The following PYGB variants were observed in gnomAD, a reference collection of about 807,000 sequenced individuals.
The protein encoded by PYGB is glycogen phosphorylase B.
Under a neutral mutation model 94.3 loss-of-function variants are expected in PYGB, and 82 were observed. That is an observed-to-expected ratio of 0.87 (90% CI 0.73 to 1.04). PYGB has a LOEUF of 1.04. Ranked by LOEUF, PYGB falls within the 50% of genes least tolerant of loss-of-function variation. PYGB has a pLI of 0.00. For missense variants in PYGB, 1,132 were observed against 1,158.2 expected, an observed-to-expected ratio of 0.98 and a Z score of 0.33; for synonymous variants, 488 against 479.1, an observed-to-expected ratio of 1.02 and a Z score of -0.24.
intron 1 of PYGB, among the ~76,000 whole-genome samples, chr20:25,250,695 C>T (rs1357752910): frequency 6.6e-6 from 1 of 152,182 alleles, no homozygotes; most frequent in Non-Finnish European, 1.5e-5. Context: ...TGTGCCTCCC[C>T]CTCAGCCAGA....
At chr20:25,271,769 A>G (rs888059381) in intron 4 of PYGB, among the ~76,000 whole-genome samples, 4 of 152,232 alleles carry the variant, frequency 2.6e-5, no homozygotes, top group Admixed American at 2.6e-4. Context: ...GCCTTACAGC[A>G]GCTCCCAGAC....
intron 2 of PYGB, among the ~76,000 whole-genome samples, chr20:25,260,591 A>G (rs1257182923): frequency 2.6e-5 from 4 of 152,178 alleles, no homozygotes; most frequent in East Asian, 3.8e-4. Context: ...TGCATTTCCA[A>G]CTGAGGTACT....
intron 1 of PYGB, among the ~76,000 whole-genome samples, chr20:25,248,666 C>T (rs938263817): frequency 7.0e-6 from 1 of 143,688 alleles, no homozygotes; most frequent in Non-Finnish European, 1.5e-5. Context: ...GCGGGGTCCG[C>T]CGTCCCCCGC....
chr20:25,288,803 C>T (rs55684689), intron 15 of PYGB, among the ~76,000 whole-genome samples: 6,339 of 152,268 alleles, frequency 0.042, 208 homozygotes, highest in Non-Finnish European at 0.058. Flanking sequence ...GTGGCTGCTT[C>T]ATCACCTGCA....
Position 25,253,876 on chromosome 20 carries a change from A to G in PYGB, c.244-5361A>G, listed in dbSNP as rs372098068. On this transcript the variant is annotated intron_variant, in intron 1 of 19. Coordinates refer to ENST00000216962, the MANE Select transcript of PYGB (RefSeq NM_002862.4). ...TCCGAATCATTTGAAAGTAAGAACC[A>G]GCCTGACCAACAAGGTGAAACCCCT... is the stretch of plus-strand genomic sequence containing the variant. Among the ~76,000 whole-genome samples, 657 of 151,836 alleles carry G rather than the reference A, an allele frequency of 4.3e-3. 2 individuals carry two copies. The highest frequency in any genetic ancestry group is 8.4e-3 in the Admixed American group (128 of 15,270).
chr20:25,274,202 C>T (rs1438443780), intron 4 of PYGB, among the ~76,000 whole-genome samples: 6 of 152,252 alleles, frequency 3.9e-5, no homozygotes, highest in East Asian at 1.9e-4. Flanking sequence ...GCCTCTCACC[C>T]GCTTTCTGTC....
Position 25,294,195 on chromosome 20 carries a change from C to A in PYGB, c.2215C>A (p.Leu739Met), listed in dbSNP as rs1431470545. Residue 739 changes from leucine (L) to methionine (M), a missense_variant, in exon 18 of 20, where the codon CTG (leucine) becomes ATG (methionine). Coordinates refer to ENST00000216962, the MANE Select transcript of PYGB (RefSeq NM_002862.4). Reference sequence around the variant, plus strand: ...GGAGTACTACGACCACCTGCCCGAGCTGAAGCAGGCCGTGGACCAGATCAG... The same window carrying A: ...GGAGTACTACGACCACCTGCCCGAGATGAAGCAGGCCGTGGACCAGATCAG... ...AREYYDHLPE[L>M]KQAVDQISSG... 6.2e-7 allele frequency: 1 copy of A among 1,613,956 alleles called. No individual in the cohort carries two copies.
rs1035656552 is a variant in PYGB at position 25,270,622 on chromosome 20, C to T, written c.425-761C>T. 3.3e-5 allele frequency among the ~76,000 whole-genome samples: 5 copies of T among 152,088 alleles called. No homozygotes were observed. The East Asian group carries it at 9.7e-4, about 29-fold the overall frequency. On this transcript the variant is annotated intron_variant, in intron 3 of 19. Transcript: ENST00000216962. ...AAGCAATCCCCCAACCCCAGCCTCC[C>T]GAGTAGCTGGGACCACAGGCATGCG... is the stretch of plus-strand genomic sequence containing the variant.
At position 25,248,132 on chromosome 20, in the gene PYGB, C is replaced by A. The variant is rs749385588; in HGVS notation, c.-47C>A. On this transcript the variant is annotated 5_prime_UTR_variant, in exon 1 of 20. Transcript: ENST00000216962. The stretch of plus-strand genomic sequence containing the variant: ...TGCACCATCCCGGCGTTCGCGTGTG[C>A]CGCCGCTTTCCTCCTCCATCTCTTT... 1 of 1,519,864 alleles carries A rather than the reference C, an allele frequency of 6.6e-7. No individual in the cohort carries two copies. Among genetic ancestry groups the A allele is most frequent in the Non-Finnish European group, 8.8e-7 (1 of 1,136,408 alleles). 94.1% of individuals were successfully genotyped at this position (1,519,864 alleles called of 1,614,324 possible). A position where few individuals can be genotyped will look rare whatever the true frequency, so the allele number is the denominator to read the frequency against.
chr20:25,276,896 C>T, intron 6 of PYGB, 139 bp downstream of exon 6: 1 of 761,284 alleles, frequency 1.3e-6, no homozygotes, highest in East Asian at 2.7e-5. Context: ...CCCTGCGTCC[C>T]AGTGAAGAGC....
chr20:25,296,421 A>C lies in PYGB; in HGVS notation c.2431A>C (p.Lys811Gln). The C allele has an allele frequency of 6.2e-7, 1 of 1,614,076 alleles. No homozygotes were observed. Among genetic ancestry groups the C allele is most frequent in the Non-Finnish European group, 8.5e-7 (1 of 1,180,032 alleles). The change falls in exon 20 of 20, where the codon AAG (lysine) becomes CAG (glutamine). Residue 811 changes from lysine to glutamine, a missense_variant. Transcript: ENST00000216962. ...KVIRNIACSG[K>Q]FSSDRTITEY... ...CATCAGGAACATCGCCTGCTCGGGC[A>C]AGTTCTCCAGTGACCGGACCATCAC...
intron 14 of PYGB, chr20:25,284,904 A>AC (rs1415022096): frequency 2.0e-5 from 3 of 152,142 alleles, no homozygotes; most frequent in East Asian, 1.9e-4. Flanking sequence ...TGAAACAGAG[A>AC]CCCCCAAAGG....
Position 25,292,538 on chromosome 20 carries a change from C to T in PYGB, c.2102C>T (p.Ala701Val), listed in dbSNP as rs867096741. Residue 701 changes from alanine (A) to valine (V), a missense_variant, in exon 17 of 20, where the codon GCC (alanine) becomes GTC (valine). Transcript: ENST00000216962. ...ATGGACGGCGCCAACGTGGAGATGGCCGAGGAGGCCGGGGCCGAGAACCTC... is the reference window on the plus strand; with the variant it reads ...ATGGACGGCGCCAACGTGGAGATGGTCGAGGAGGCCGGGGCCGAGAACCTC... ...GTMDGANVEM[A>V]EEAGAENLFI... 6.2e-7 allele frequency: 1 copy of T among 1,613,258 alleles called. No homozygotes were observed. Among genetic ancestry groups the T allele is most frequent in the Non-Finnish European group, 8.5e-7 (1 of 1,179,942 alleles).
chr20:25,292,364 G>C (rs771154035), intron 16 of PYGB, 42 bp from the exon 17 acceptor site: 3 of 1,596,716 alleles, frequency 1.9e-6, no homozygotes, highest in South Asian at 1.1e-5. Context: ...TGAGGACATT[G>C]GGGTCCTCAC....
At chr20:25,273,850 T>C (rs1448526988) in intron 4 of PYGB, among the ~76,000 whole-genome samples, 1 of 152,172 alleles carries the variant, frequency 6.6e-6, no homozygotes, top group African/African-American at 2.4e-5. Context: ...TAATTTTAAT[T>C]TAATAATTTT....
At chr20:25,294,680 A>G (rs981834029) in intron 18 of PYGB, 6 of 576,800 alleles carry the variant, frequency 1.0e-5, no homozygotes, top group Non-Finnish European at 1.9e-5. Context: ...GGGCTGCGGA[A>G]CCGCGGCAGG....
At chr20:25,268,047 T>C (rs1260744619) in intron 2 of PYGB, among the ~76,000 whole-genome samples, 1 of 152,182 alleles carries the variant, frequency 6.6e-6, no homozygotes. Context: ...AGAGGTTTTA[T>C]GGTTGGTTAA....
intron 1 of PYGB, among the ~76,000 whole-genome samples, chr20:25,254,095 C>T (rs2092896339): frequency 6.7e-6 from 1 of 149,002 alleles, no homozygotes; most frequent in African/African-American, 2.5e-5. Flanking sequence ...AAAACTGAGT[C>T]ATAGCCTTGT....
intron 17 of PYGB, chr20:25,293,811 G>A: frequency 1.9e-5 from 6 of 321,652 alleles, no homozygotes; most frequent in South Asian, 1.8e-4. Context: ...TTTTTCAAAA[G>A]CTCTGCCCAG....
Sources: gnomAD v4.1 joint callset for allele counts (sites outside exome capture counted in the v4.1 genomes callset) on GRCh38, gnomAD v4.1.1 for gene constraint, MANE v1.5 for transcripts, NCBI Gene and HGNC (gene_info 2026-07-23, HGNC 2026-07-21) for gene names.